The following ST8SIA2 variants were observed in gnomAD, a reference collection of about 807,000 sequenced individuals.
ST8SIA2 encodes alpha-2,8-sialyltransferase 8B.
Under a neutral mutation model 37.6 loss-of-function variants are expected in ST8SIA2, and 22 were observed. The observed-to-expected ratio is 0.58, with a 90% CI of 0.42 to 0.83. The LOEUF (loss-of-function observed/expected upper bound fraction) is 0.83. Among genes scored for constraint, ST8SIA2 ranks in the 40% least tolerant of loss-of-function variants. The pLI, the probability that ST8SIA2 is intolerant of heterozygous loss-of-function variation, is 0.00. For synonymous variants in ST8SIA2, 205 were observed against 201.2 expected, an observed-to-expected ratio of 1.02 and a Z score of -0.16; for missense variants, 382 against 484.7, an observed-to-expected ratio of 0.79 and a Z score of 1.99.
intron 5 of ST8SIA2, among the ~76,000 whole-genome samples, chr15:92,458,950 G>A (rs2033867806): frequency 6.6e-6 from 1 of 152,212 alleles, no homozygotes; most frequent in African/African-American, 2.4e-5. Context: ...TTTCCAGGAA[G>A]ACAGGATGCA....
intron 2 of ST8SIA2, among the ~76,000 whole-genome samples, chr15:92,431,673 C>T (rs558882161): frequency 6.6e-6 from 1 of 152,272 alleles, no homozygotes; most frequent in African/African-American, 2.4e-5. Flanking sequence ...TATCTCAACT[C>T]ACCAATCCAA....
chr15:92,432,781 T>C (rs1345268605), intron 2 of ST8SIA2, among the ~76,000 whole-genome samples: 1 of 152,038 alleles, frequency 6.6e-6, no homozygotes, highest in Non-Finnish European at 1.5e-5. Context: ...GGTGGGTGCA[T>C]GAAGGGAATG....
intron 1 of ST8SIA2, among the ~76,000 whole-genome samples, chr15:92,406,867 G>A (rs142923751): frequency 7.9e-5 from 12 of 151,962 alleles, no homozygotes; most frequent in South Asian, 2.1e-4. Flanking sequence ...GGTGGTGTGC[G>A]CCTGTAATCT....
At chr15:92,405,552 G>A (rs141733549) in intron 1 of ST8SIA2, among the ~76,000 whole-genome samples, 26 of 137,052 alleles carry the variant, frequency 1.9e-4, no homozygotes, top group African/African-American at 3.0e-4. Flanking sequence ...GCAGGTGCTC[G>A]GGACACACTG....
intron 5 of ST8SIA2, among the ~76,000 whole-genome samples, chr15:92,453,806 T>G (rs184361110): frequency 1.0e-3 from 154 of 152,302 alleles, no homozygotes; most frequent in Admixed American, 2.6e-3. Context: ...AGCCCTGTGC[T>G]GGGGGAATAA....
chr15:92,413,742 C>T lies in ST8SIA2; in HGVS notation c.99-16307C>T, dbSNP rs2049567051. On this transcript the variant is annotated intron_variant, in intron 1 of 5. Transcript: ENST00000268164. ...GGAGAAGTCAGCAGGGAAGAATTCT[C>T]TCTGCCTTTGGATTCTTCTAATCCC... 2.6e-5 allele frequency among the ~76,000 whole-genome samples: 4 copies of T among 152,242 alleles called. No individual in the cohort carries two copies. In the South Asian group the frequency reaches 8.3e-4, roughly 32 times the overall value.
intron 1 of ST8SIA2, among the ~76,000 whole-genome samples, chr15:92,403,963 G>A (rs2049488881): frequency 6.6e-6 from 1 of 152,224 alleles, no homozygotes; most frequent in Non-Finnish European, 1.5e-5. Context: ...GCAACGTGCT[G>A]ACAGACGGCA....
Position 92,452,546 on chromosome 15 carries a change from C to T in ST8SIA2, c.842+7617C>T, listed in dbSNP as rs2049889272. 2.6e-5 allele frequency among the ~76,000 whole-genome samples: 4 copies of T among 152,188 alleles called. No homozygotes were observed. The South Asian group carries it at 8.3e-4, about 32-fold the overall frequency. ...TGGACAATGGTGAGCTTAATGTCAA[C>T]ACCAAGCTAGAGTTTCAAATAGGTT... On this transcript the variant is annotated intron_variant, in intron 5 of 5. Coordinates refer to ENST00000268164, the MANE Select transcript of ST8SIA2 (RefSeq NM_006011.4).
intron 2 of ST8SIA2, among the ~76,000 whole-genome samples, chr15:92,430,519 T>G (rs976479308): frequency 2.6e-5 from 4 of 152,236 alleles, no homozygotes; most frequent in East Asian, 3.8e-4. Context: ...TTCGGGAACT[T>G]TGCTGAGACC....
intron 1 of ST8SIA2, among the ~76,000 whole-genome samples, chr15:92,404,667 CAAAAAAA>C (rs35691790): frequency 3.8e-5 from 4 of 105,196 alleles, no homozygotes; most frequent in African/African-American, 1.1e-4. Context: ...ACTAAAAATA[CAAAAAAA>C]AAAAAAAAAA....
chr15:92,467,077 T>C lies in ST8SIA2; in HGVS notation c.*2692T>C, dbSNP rs560686180. The C allele has an allele frequency of 6.5e-6, 1 of 153,188 alleles. No homozygotes were observed. The highest frequency in any genetic ancestry group is 2.4e-5 in the African/African-American group (1 of 41,542). The allele number at this position is 153,188 out of a possible 1,614,324, so 9.5% of individuals were successfully genotyped here. On this transcript the variant is annotated 3_prime_UTR_variant, in exon 6 of 6. Transcript: ENST00000268164. Reference sequence around the variant, plus strand: ...CTGTCACCTCCTGCCACCTGTCAGATACCCAGCCTGCCCGCCATCAGCCAC... The same window carrying C: ...CTGTCACCTCCTGCCACCTGTCAGACACCCAGCCTGCCCGCCATCAGCCAC...
chr15:92,427,752 G>A (rs1191010169), intron 1 of ST8SIA2, among the ~76,000 whole-genome samples: 2 of 152,186 alleles, frequency 1.3e-5, no homozygotes, highest in Non-Finnish European at 1.5e-5. Context: ...GGGAGGCCGA[G>A]GTGGGCAGAT....
chr15:92,451,182 C>A (rs2049879261), intron 5 of ST8SIA2, among the ~76,000 whole-genome samples: 1 of 152,214 alleles, frequency 6.6e-6, no homozygotes, highest in Non-Finnish European at 1.5e-5. Context: ...CAACCAGGAA[C>A]TGAACTGCAT....
intron 5 of ST8SIA2, among the ~76,000 whole-genome samples, chr15:92,460,126 C>T (rs190054233): frequency 4.0e-4 from 61 of 152,350 alleles, no homozygotes; most frequent in African/African-American, 1.4e-3. Flanking sequence ...TCCCCAGTCC[C>T]AATCACCTTT....
At chr15:92,398,858 A>G (rs2049450828) in intron 1 of ST8SIA2, among the ~76,000 whole-genome samples, 1 of 152,164 alleles carries the variant, frequency 6.6e-6, no homozygotes, top group Admixed American at 6.5e-5. Flanking sequence ...ATATCTGAAG[A>G]CCAACTCATC....
intron 1 of ST8SIA2, among the ~76,000 whole-genome samples, chr15:92,395,143 G>C (rs1270690569): frequency 6.6e-6 from 1 of 152,176 alleles, no homozygotes; most frequent in African/African-American, 2.4e-5. Context: ...ACGACAGGTG[G>C]GGAGGCAGCC....
rs2049979562 is a variant in ST8SIA2 at position 92,464,521 on chromosome 15, A to AAT, written c.*145_*146dup. On this transcript the variant is annotated 3_prime_UTR_variant, in exon 6 of 6. Coordinates refer to ENST00000268164, the MANE Select transcript of ST8SIA2 (RefSeq NM_006011.4). ...TGTTAAAGTGTAAAACAGTGACCAGAATATATATATCTATACCTGCATATA... is the reference window on the plus strand; with the variant it reads ...TGTTAAAGTGTAAAACAGTGACCAGAATATATATATATCTATACCTGCATATA... 3 of 897,696 alleles carry AAT rather than the reference A, an allele frequency of 3.3e-6. No individual in the cohort carries two copies. Among genetic ancestry groups the AAT allele is most frequent in the Admixed American group, 2.0e-5 (1 of 51,076 alleles). The allele number at this position is 897,696 out of a possible 1,614,324, so 55.6% of individuals were successfully genotyped here.
At position 92,467,708 on chromosome 15, in the gene ST8SIA2, C is replaced by G. The variant is rs2050002507; in HGVS notation, c.*3323C>G. On this transcript the variant is annotated 3_prime_UTR_variant, in exon 6 of 6. Transcript: ENST00000268164. The stretch of plus-strand genomic sequence containing the variant: ...TCTGACCAGTATTCCCCTCTCTTCT[C>G]CTTGTCCCACCACATGGACATGCCT... 6.6e-6 allele frequency: 1 copy of G among 152,490 alleles called. No homozygotes were observed. Among genetic ancestry groups the G allele is most frequent in the Non-Finnish European group, 1.5e-5 (1 of 68,108 alleles). 9.4% of individuals were successfully genotyped at this position (152,490 alleles called of 1,614,324 possible).
intron 4 of ST8SIA2, among the ~76,000 whole-genome samples, chr15:92,442,811 C>T (rs762224973): frequency 9.2e-5 from 14 of 152,260 alleles, no homozygotes; most frequent in East Asian, 7.7e-4. Flanking sequence ...GATGGGAAGA[C>T]GCGATATTTT....
Sources: allele counts gnomAD v4.1 joint callset (sites outside exome capture counted in the v4.1 genomes callset), GRCh38; gene constraint gnomAD v4.1.1; transcripts MANE v1.5; gene names NCBI Gene and HGNC (gene_info 2026-07-23, HGNC 2026-07-21).